Variants in JAML observed in about 807,000 individuals in gnomAD.
JAML encodes the protein junction adhesion molecule like.
Under a neutral mutation model 39.3 loss-of-function variants are expected in JAML, and 25 were observed. That is an observed-to-expected ratio of 0.64 (90% confidence interval 0.46 to 0.89). JAML has a LOEUF of 0.89. JAML is among the 40% of genes least tolerant of loss of function. The pLI is 0.00. For synonymous variants in JAML, 162 were observed against 179.2 expected (o/e 0.90, Z 0.77); for missense variants, 440 against 486.9 (o/e 0.90, Z 0.91).
At chr11:118,212,020 C>G (rs1949071764) in intron 3 of JAML, among the ~76,000 whole-genome samples, 1 of 48,778 alleles carries the variant, frequency 2.1e-5, no homozygotes, top group Non-Finnish European at 7.9e-5. Context: ...ATTTACCCCT[C>G]TCACCTGCTT....
At position 118,200,465 on chromosome 11, in the gene JAML, GC is replaced by G; in HGVS notation, c.911+8del. The G allele has an allele frequency of 6.2e-7, 1 of 1,614,026 alleles. No individual in the cohort carries two copies. The highest frequency in any genetic ancestry group is 8.5e-7 in the Non-Finnish European group (1 of 1,179,976). ...CCTCCCAATCCAAGGGGTGGGGGTA[GC>G]CCTGTACCTCTTATTTCCACAGGTC... On this transcript the variant is annotated splice_region_variant and intron_variant, in intron 7 of 9. Transcript: ENST00000356289.
In JAML at chr11:118,214,710, G is replaced by A. The variant is rs1949117554; in HGVS notation, c.43+114C>T. On this transcript the variant is annotated intron_variant, in intron 2 of 9. Coordinates refer to ENST00000356289, the MANE Select transcript of JAML (RefSeq NM_001098526.2). The stretch of plus-strand genomic sequence containing the variant: ...CAAAACTGTGAAGTTCCACATTAGG[G>A]TTTCCATCTTCAACAAACCCAAGGG... 20 of 1,094,136 alleles carry A rather than the reference G, an allele frequency of 1.8e-5. No individual in the cohort carries two copies. In the South Asian group the frequency reaches 2.3e-4, roughly 12 times the overall value. The allele number at this position is 1,094,136 out of a possible 1,614,324, so 67.8% of individuals were successfully genotyped here.
Position 118,200,584 on chromosome 11 carries a change from A to T in JAML, c.801T>A (p.Pro267=), listed in dbSNP as rs199604410. The T allele has an allele frequency of 6.2e-7, 1 of 1,614,202 alleles. No individual in the cohort carries two copies. Among genetic ancestry groups the T allele is most frequent in the Admixed American group, 1.7e-5 (1 of 60,032 alleles). The change falls in exon 7 of 10, where the codon CCT becomes CCA. Residue 267 remains proline, a synonymous_variant. Coordinates refer to ENST00000356289, the MANE Select transcript of JAML (RefSeq NM_001098526.2). The part of the protein sequence containing the change: ...RTLVTPAALR[P]LVLGGNQLVI... ...CCAACTGATTACCACCCAAGACCAG[A>T]GGCCTCAGGGCTGCCGGGGTCACCA...
At chr11:118,206,066 A>G (rs1473660680) in intron 4 of JAML, 75 bp from the exon 5 acceptor site, 6 of 1,340,866 alleles carry the variant, frequency 4.5e-6, no homozygotes, top group Non-Finnish European at 6.4e-6. Context: ...AGAAGAGATC[A>G]TGTTTAGCCA....
At chr11:118,210,179 T>C (rs1304251545) in intron 4 of JAML, among the ~76,000 whole-genome samples, 1 of 152,264 alleles carries the variant, frequency 6.6e-6, no homozygotes, top group Admixed American at 6.5e-5. Context: ...GTTCAAGTAC[T>C]ATTTATTCCA....
chr11:118,212,423 G>A lies in JAML; in HGVS notation c.182C>T (p.Pro61Leu). ...CCGCGTTACCTTGGCGTGCTCTCCT[G>A]GTGACAGAGTCCAGTCTATCTTGAA... ...CIFKIDWTLS[P>L]GEHAKDEYVL... The change falls in exon 3 of 10, where the codon CCA (proline) becomes CTA (leucine). Residue 61 changes from proline (P) to leucine (L), a missense_variant. By Grantham distance (98) the Pro-to-Leu change is moderately conservative (BLOSUM62 -3). Transcript: ENST00000356289. 2 of 1,614,004 alleles carry A rather than the reference G, an allele frequency of 1.2e-6. No homozygotes were observed. Among genetic ancestry groups the A allele is most frequent in the Non-Finnish European group, 1.7e-6 (2 of 1,179,978 alleles).
chr11:118,220,602 T>C (rs1949200169), intron 1 of JAML, among the ~76,000 whole-genome samples: 1 of 152,198 alleles, frequency 6.6e-6, no homozygotes, highest in South Asian at 2.1e-4. Flanking sequence ...CTTGGCCTCC[T>C]CGATCTTTTA....
At chr11:118,212,935 T>C in intron 2 of JAML, 1 of 1,614,222 alleles carries the variant, frequency 6.2e-7, no homozygotes, top group Non-Finnish European at 8.5e-7. Flanking sequence ...AAATGGGTTG[T>C]TCCTTGCTCT....
chr11:118,212,800 A>C lies in JAML; in HGVS notation c.44-239T>G, dbSNP rs1054062090. 2.5e-6 allele frequency: 4 copies of C among 1,610,784 alleles called. No homozygotes were observed. The African/African-American group carries it at 5.4e-5, about 22-fold the overall frequency. On this transcript the variant is annotated intron_variant, in intron 2 of 9. Coordinates refer to ENST00000356289, the MANE Select transcript of JAML (RefSeq NM_001098526.2). Reference sequence around the variant, plus strand: ...AAATGCTATCTGGCTCCCTCCTCCTATCCAGCCCCTTACACTTTTCTGGAA... The same window carrying C: ...AAATGCTATCTGGCTCCCTCCTCCTCTCCAGCCCCTTACACTTTTCTGGAA...
At chr11:118,211,706 T>C (rs1268380361) in intron 3 of JAML, among the ~76,000 whole-genome samples, 1 of 152,222 alleles carries the variant, frequency 6.6e-6, no homozygotes, top group East Asian at 1.9e-4. Flanking sequence ...TTATTGTTAG[T>C]AACAAACTAC....
chr11:118,212,413 G>T lies in JAML; in HGVS notation c.192C>A (p.His64Gln). Residue 64 changes from histidine to glutamine, a missense_variant, in exon 3 of 10, where the codon CAC (histidine) becomes CAA (glutamine). His to Gln is a conservative substitution (Grantham distance 24). Transcript: ENST00000356289. ...KIDWTLSPGE[H>Q]AKDEYVLYYY... ...GATGTTTCCCCCGCGTTACCTTGGC[G>T]TGCTCTCCTGGTGACAGAGTCCAGT... The T allele has an allele frequency of 6.2e-7, 1 of 1,613,914 alleles. No homozygotes were observed. The highest frequency in any genetic ancestry group is 1.1e-5 in the South Asian group (1 of 91,082).
intron 1 of JAML, among the ~76,000 whole-genome samples, chr11:118,215,587 A>G (rs909332587): frequency 6.6e-6 from 1 of 151,472 alleles, no homozygotes; most frequent in Non-Finnish European, 1.5e-5. Context: ...GGCTCCAGTG[A>G]TCCTCCACCT....
chr11:118,196,115 G>A (rs946101206), intron 9 of JAML, among the ~76,000 whole-genome samples: 2 of 147,206 alleles, frequency 1.4e-5, no homozygotes, highest in South Asian at 2.1e-4. Flanking sequence ...TTACAGGTGT[G>A]AGCCACCATG....
chr11:118,201,455 A>G (rs970758690), intron 6 of JAML: 3 of 152,284 alleles, frequency 2.0e-5, no homozygotes, highest in Non-Finnish European at 2.9e-5. Context: ...GGTCTGGCAC[A>G]AAAGTGGCAT....
At chr11:118,219,662 T>A (rs1002158828) in intron 1 of JAML, among the ~76,000 whole-genome samples, 1 of 152,258 alleles carries the variant, frequency 6.6e-6, no homozygotes, top group Non-Finnish European at 1.5e-5. Flanking sequence ...TTCCTATGAC[T>A]GTCTTGGTAA....
rs1316923055 is a variant in JAML, at chr11:118,222,983, TACTTGGGAGGCTGAGGCAGGAGAATC to T, written c.-21+1932_-21+1957del. 1.3e-5 allele frequency among the ~76,000 whole-genome samples: 2 copies of T among 150,620 alleles called. No individual in the cohort carries two copies. Among genetic ancestry groups the T allele is most frequent in the African/African-American group, 4.9e-5 (2 of 40,942 alleles). On this transcript the variant is annotated intron_variant, in intron 1 of 9. Coordinates refer to ENST00000356289, the MANE Select transcript of JAML (RefSeq NM_001098526.2). This position sits in a 1 kb window ranked among gnomAD's most constrained non-coding sequence, Gnocchi z 4.2. ...GGTGGTGAGCGCCTGTAATCCCAGCTACTTGGGAGGCTGAGGCAGGAGAATCACTTGAACTCGGGAGGCGGAGGTTG... is the reference window on the plus strand; with the variant it reads ...GGTGGTGAGCGCCTGTAATCCCAGCTACTTGAACTCGGGAGGCGGAGGTTG...
At chr11:118,223,811 A>T (rs1271060342) in intron 1 of JAML, among the ~76,000 whole-genome samples, 2 of 152,152 alleles carry the variant, frequency 1.3e-5, no homozygotes, top group African/African-American at 4.8e-5. Context: ...CCTTTATATT[A>T]CAGAAAAGAA....
At chr11:118,217,836 C>T (rs942766407) in intron 1 of JAML, among the ~76,000 whole-genome samples, 4 of 152,170 alleles carry the variant, frequency 2.6e-5, no homozygotes, top group Non-Finnish European at 5.9e-5. Context: ...ATCCTGGATC[C>T]GAGCCTGTGT....
intron 1 of JAML, among the ~76,000 whole-genome samples, 195 bp from the exon 2 acceptor site, chr11:118,215,081 A>G (rs947264987): frequency 3.3e-5 from 5 of 152,238 alleles, no homozygotes; most frequent in Non-Finnish European, 5.9e-5. Context: ...AGAAGCAAAT[A>G]AATGAATGAA....
Sources: allele counts gnomAD v4.1 joint callset (sites outside exome capture counted in the v4.1 genomes callset), GRCh38; gene constraint gnomAD v4.1.1; non-coding constraint Gnocchi (gnomAD v3.1); transcripts MANE v1.5; gene names NCBI Gene and HGNC (gene_info 2026-07-23, HGNC 2026-07-21).